TUBGCP3: variants seen among roughly 807,000 people sequenced by gnomAD.
TUBGCP3 encodes the protein gamma-tubulin complex component 3.
Under a neutral mutation model 123.1 loss-of-function variants are expected in TUBGCP3, and 50 were observed. The ratio of observed to expected loss-of-function variants is 0.41; its 90% CI spans 0.32 to 0.51. The LOEUF is 0.51. TUBGCP3 is among the 20% of genes least tolerant of loss of function. TUBGCP3 has a pLI of 0.36. For missense variants in TUBGCP3, 882 were observed against 1,127.0 expected (o/e 0.78, Z 3.11); for synonymous variants, 405 against 413.9 (o/e 0.98, Z 0.26).
At chr13:112,555,790 G>A (rs1327163725) in intron 6 of TUBGCP3, among the ~76,000 whole-genome samples, 3 of 152,178 alleles carry the variant, frequency 2.0e-5, no homozygotes, top group South Asian at 2.1e-4. Flanking sequence ...CAGCAAAGAC[G>A]AGAGATGTGG....
At chr13:112,581,973 C>T (rs563193361) in intron 1 of TUBGCP3, among the ~76,000 whole-genome samples, 2 of 152,292 alleles carry the variant, frequency 1.3e-5, no homozygotes, top group East Asian at 3.9e-4. Context: ...TCCCTGTCCT[C>T]TTACCAACCA....
At position 112,485,314 on chromosome 13, in the gene TUBGCP3, T is replaced by A. The variant is rs56787467; in HGVS notation, c.*679A>T. 1 of 152,622 alleles carries A rather than the reference T, an allele frequency of 6.6e-6. No homozygotes were observed. The highest frequency in any genetic ancestry group is 2.4e-5 in the African/African-American group (1 of 41,450). 9.5% of individuals were successfully genotyped at this position (152,622 alleles called of 1,614,324 possible). On this transcript the variant is annotated 3_prime_UTR_variant, in exon 22 of 22. Coordinates refer to ENST00000261965, the MANE Select transcript of TUBGCP3 (RefSeq NM_006322.6). Reference sequence around the variant, plus strand: ...TTCGCGGTATTTGGGTTGCACTGTATAAGAGTATTTTTGTTCTCTATCACT... The same window carrying A: ...TTCGCGGTATTTGGGTTGCACTGTAAAAGAGTATTTTTGTTCTCTATCACT...
At chr13:112,605,098 G>C in the TUBGCP3 span, 1 of 152,194 alleles carries the variant, frequency 6.6e-6, no homozygotes, top group African/African-American at 2.4e-5. Context: ...CTTAAGGTCA[G>C]GAGTTTGAGA....
chr13:112,601,188 A>G, the TUBGCP3 span, among the ~76,000 whole-genome samples: 2 of 149,074 alleles, frequency 1.3e-5, no homozygotes, highest in Non-Finnish European at 3.0e-5. Context: ...TTCTGTCTAA[A>G]AAAAAAAAAA....
chr13:112,510,304 G>A (rs920633647), intron 17 of TUBGCP3, among the ~76,000 whole-genome samples: 1 of 152,124 alleles, frequency 6.6e-6, no homozygotes, highest in Non-Finnish European at 1.5e-5. Flanking sequence ...AGATAGCATC[G>A]AGTACTGCTA....
At chr13:112,517,176 C>T (rs1876205459) in intron 16 of TUBGCP3, among the ~76,000 whole-genome samples, 1 of 152,060 alleles carries the variant, frequency 6.6e-6, no homozygotes, top group Admixed American at 6.6e-5. Context: ...GCCACCATGC[C>T]CAGCTAATTT....
intron 17 of TUBGCP3, among the ~76,000 whole-genome samples, chr13:112,512,662 G>A (rs951994434): frequency 6.6e-5 from 10 of 152,068 alleles, no homozygotes; most frequent in African/African-American, 2.4e-4. Flanking sequence ...TTGAATCTGG[G>A]AAGTGGAGGT....
At chr13:112,575,980 A>G (rs1881776956) in intron 1 of TUBGCP3, among the ~76,000 whole-genome samples, 1 of 152,252 alleles carries the variant, frequency 6.6e-6, no homozygotes, top group African/African-American at 2.4e-5. Context: ...TCTGGTCTCC[A>G]GAAACACAGG....
intron 19 of TUBGCP3, among the ~76,000 whole-genome samples, chr13:112,503,486 C>T (rs1046578794): frequency 3.3e-5 from 5 of 152,120 alleles, no homozygotes; most frequent in Admixed American, 6.5e-5. Context: ...TCTCCTGTCT[C>T]TGCCTCCCAA....
chr13:112,596,281 C>T, the TUBGCP3 span, among the ~76,000 whole-genome samples: 1 of 152,190 alleles, frequency 6.6e-6, no homozygotes, highest in Admixed American at 6.5e-5. Context: ...TCAAGAACTA[C>T]CCATTCTTTT....
intron 20 of TUBGCP3, among the ~76,000 whole-genome samples, chr13:112,498,631 A>C (rs1034161242): frequency 6.6e-6 from 1 of 152,254 alleles, no homozygotes; most frequent in African/African-American, 2.4e-5. Flanking sequence ...TTGGGACATA[A>C]GACTGCTCTA....
Position 112,551,594 on chromosome 13 carries a change from G to A in TUBGCP3, c.966+2463C>T, listed in dbSNP as rs879894400. 2.6e-5 allele frequency among the ~76,000 whole-genome samples: 4 copies of A among 152,180 alleles called. No individual in the cohort carries two copies. The South Asian group carries it at 6.2e-4, about 24-fold the overall frequency. On this transcript the variant is annotated intron_variant, in intron 8 of 21. Coordinates refer to ENST00000261965, the MANE Select transcript of TUBGCP3 (RefSeq NM_006322.6). The stretch of plus-strand genomic sequence containing the variant: ...AGCAGGAAATGGAAGAACAGAGACA[G>A]CTTTGGAACAGAGTGACACGTCACA...
At chr13:112,605,105 G>T in the TUBGCP3 span, 1 of 152,164 alleles carries the variant, frequency 6.6e-6, no homozygotes, top group South Asian at 2.1e-4. Flanking sequence ...TCAGGAGTTT[G>T]AGACCAGCCT....
At chr13:112,572,865 T>C (rs1566588701) in intron 1 of TUBGCP3, among the ~76,000 whole-genome samples, 1 of 152,032 alleles carries the variant, frequency 6.6e-6, no homozygotes, top group Non-Finnish European at 1.5e-5. Flanking sequence ...GGAAAAATGG[T>C]ACCTAAAGAC....
At chr13:112,544,108 TCA>T (rs1878753782) in intron 11 of TUBGCP3, among the ~76,000 whole-genome samples, 1 of 152,156 alleles carries the variant, frequency 6.6e-6, no homozygotes, top group South Asian at 2.1e-4. Context: ...GATAGCTGCG[TCA>T]ACCTGGATAG....
upstream of TUBGCP3, among the ~76,000 whole-genome samples, chr13:112,588,459 A>G (rs1282249156): frequency 1.3e-5 from 2 of 152,198 alleles, no homozygotes; most frequent in Non-Finnish European, 2.9e-5. Flanking sequence ...TGATGAAAGA[A>G]GCCTGTTTAA....
chr13:112,527,220 A>G (rs1473072257), intron 12 of TUBGCP3, among the ~76,000 whole-genome samples, 154 bp downstream of exon 12: 2 of 152,252 alleles, frequency 1.3e-5, no homozygotes, highest in African/African-American at 4.8e-5. Flanking sequence ...CACATACTAT[A>G]CTGATGTATT....
intron 3 of TUBGCP3, among the ~76,000 whole-genome samples, chr13:112,559,633 A>G (rs1029758160): frequency 7.9e-5 from 12 of 152,212 alleles, no homozygotes; most frequent in African/African-American, 1.4e-4. Flanking sequence ...AACTAGCTCT[A>G]AAGTCCCCAA....
At chr13:112,523,191 C>T (rs1206066121) in intron 13 of TUBGCP3, among the ~76,000 whole-genome samples, 1 of 152,198 alleles carries the variant, frequency 6.6e-6, no homozygotes, top group Non-Finnish European at 1.5e-5. Context: ...ATTAAACCCA[C>T]AATAATACTT....
Sources: gnomAD v4.1 joint callset for allele counts (sites outside exome capture counted in the v4.1 genomes callset) on GRCh38, gnomAD v4.1.1 for gene constraint, MANE v1.5 for transcripts, NCBI Gene and HGNC (gene_info 2026-07-23, HGNC 2026-07-21) for gene names.